ELOVL2: variants seen among roughly 807,000 people sequenced by gnomAD.
ELOVL2 encodes the protein very long chain fatty acid elongase 2.
In ELOVL2, 38 loss-of-function variants were observed where a neutral mutation model predicts 37.7. The observed-to-expected ratio is 1.01, with a 90% CI of 0.78 to 1.32. The LOEUF is 1.32. ELOVL2 is among the 40% of genes most tolerant of loss of function. The pLI is 0.00. For synonymous variants in ELOVL2, 115 were observed against 122.3 expected, an observed-to-expected ratio of 0.94 and a Z score of 0.40; for missense variants, 352 against 363.6, an observed-to-expected ratio of 0.97 and a Z score of 0.26.
chr6:11,013,223 T>C (rs997435579), intron 1 of ELOVL2, among the ~76,000 whole-genome samples: 3 of 152,214 alleles, frequency 2.0e-5, no homozygotes, highest in Non-Finnish European at 2.9e-5. Flanking sequence ...TCTCTCTTTA[T>C]TTCTGGGTTA....
At chr6:11,041,787 C>G (rs1783101472) in intron 1 of ELOVL2, among the ~76,000 whole-genome samples, 1 of 151,980 alleles carries the variant, frequency 6.6e-6, no homozygotes, top group Admixed American at 6.6e-5. Flanking sequence ...TTTCTCCAGA[C>G]TAATTTTTAA....
chr6:10,995,512 C>T (rs1295589247), intron 4 of ELOVL2, among the ~76,000 whole-genome samples: 1 of 152,194 alleles, frequency 6.6e-6, no homozygotes, highest in African/African-American at 2.4e-5. Context: ...TGCAAGCTCC[C>T]CACCACGGTG....
At chr6:11,011,093 G>T (rs540776611) in intron 1 of ELOVL2, among the ~76,000 whole-genome samples, 1 of 152,102 alleles carries the variant, frequency 6.6e-6, no homozygotes, top group Non-Finnish European at 1.5e-5. Context: ...GGCCAGGCGC[G>T]GTGTCTCACA....
intron 6 of ELOVL2, 114 bp downstream of exon 6, chr6:10,990,204 A>G (rs1782127627): frequency 3.7e-6 from 5 of 1,342,720 alleles, no homozygotes; most frequent in Non-Finnish European, 3.0e-6. Flanking sequence ...CCAATTTTGG[A>G]AAAAAAATGG....
chr6:11,011,185 A>G (rs1313569877), intron 1 of ELOVL2, among the ~76,000 whole-genome samples: 3 of 152,066 alleles, frequency 2.0e-5, no homozygotes, highest in East Asian at 3.9e-4. Flanking sequence ...TAACATGGTG[A>G]AACCCCATCT....
intron 1 of ELOVL2, among the ~76,000 whole-genome samples, chr6:11,022,669 C>T (rs539365758): frequency 6.6e-6 from 1 of 152,226 alleles, no homozygotes; most frequent in South Asian, 2.1e-4. Context: ...TCAGATATAA[C>T]TTTATCTTAT....
chr6:11,022,381 G>C (rs1782776950), intron 1 of ELOVL2, among the ~76,000 whole-genome samples: 1 of 152,172 alleles, frequency 6.6e-6, no homozygotes, highest in Non-Finnish European at 1.5e-5. Context: ...GGATATGGGG[G>C]TCTTACCCAG....
At chr6:11,037,455 T>A (rs1271026784) in intron 1 of ELOVL2, among the ~76,000 whole-genome samples, 1 of 151,488 alleles carries the variant, frequency 6.6e-6, no homozygotes, top group Non-Finnish European at 1.5e-5. Flanking sequence ...TAAAACCAAA[T>A]AGTAAATACC....
At chr6:10,985,329 G>T (rs562223496) in intron 7 of ELOVL2, among the ~76,000 whole-genome samples, 2 of 151,928 alleles carry the variant, frequency 1.3e-5, no homozygotes, top group East Asian at 3.9e-4. Flanking sequence ...CACTCTGATG[G>T]TCGTTTCTTT....
At chr6:11,027,187 A>G (rs1220676449) in intron 1 of ELOVL2, among the ~76,000 whole-genome samples, 1 of 152,218 alleles carries the variant, frequency 6.6e-6, no homozygotes, top group Admixed American at 6.5e-5. Context: ...AATAACTTTA[A>G]AAGTATAGTA....
At chr6:10,984,815 A>G (rs1782016602) in intron 7 of ELOVL2, among the ~76,000 whole-genome samples, 1 of 152,084 alleles carries the variant, frequency 6.6e-6, no homozygotes, top group Non-Finnish European at 1.5e-5. Context: ...GTGCTGCAGT[A>G]AACATACGTG....
intron 1 of ELOVL2, among the ~76,000 whole-genome samples, chr6:11,029,411 T>G (rs994975957): frequency 6.6e-6 from 1 of 152,108 alleles, no homozygotes; most frequent in Non-Finnish European, 1.5e-5. Context: ...AACTTCGCAG[T>G]GTGGTTGTGA....
chr6:11,006,716 G>A (rs1207298883), intron 2 of ELOVL2, among the ~76,000 whole-genome samples: 1 of 152,178 alleles, frequency 6.6e-6, no homozygotes, highest in African/African-American at 2.4e-5. Flanking sequence ...TCCCATTGGT[G>A]ATAGAGATAA....
chr6:10,991,355 C>G (rs966140346), intron 5 of ELOVL2, among the ~76,000 whole-genome samples: 11 of 152,172 alleles, frequency 7.2e-5, no homozygotes, highest in Admixed American at 7.2e-4. Context: ...GGCTGTTCTG[C>G]GAGCTATCCT....
chr6:10,993,612 G>A (rs138182323), intron 5 of ELOVL2, among the ~76,000 whole-genome samples: 46 of 152,282 alleles, frequency 3.0e-4, no homozygotes, highest in African/African-American at 1.1e-3. Flanking sequence ...CTCTAGACAT[G>A]GGTCATGGGG....
intron 1 of ELOVL2, among the ~76,000 whole-genome samples, chr6:11,039,412 T>G (rs1354022378): frequency 6.6e-6 from 1 of 152,200 alleles, no homozygotes. Flanking sequence ...TTGTGATTAT[T>G]AATCAGTTCC....
rs185876986 is a variant in ELOVL2, at chr6:10,996,704, G to A, written c.334-1526C>T. 2.4e-4 allele frequency among the ~76,000 whole-genome samples: 36 copies of A among 151,538 alleles called. 1 individual carries two copies. The highest frequency in any genetic ancestry group is 7.3e-4 in the African/African-American group (30 of 41,314). ...AAAAAAAAATCCATCTTGACTGGGC[G>A]TGGAGGCTCACGCCTGTAATCCCAG... On this transcript the variant is annotated intron_variant, in intron 4 of 7. Coordinates refer to ENST00000354666, the MANE Select transcript of ELOVL2 (RefSeq NM_017770.4).
intron 1 of ELOVL2, among the ~76,000 whole-genome samples, chr6:11,035,003 C>CTAAATAAA (rs547206935): frequency 4.6e-5 from 7 of 151,974 alleles, no homozygotes; most frequent in African/African-American, 1.2e-4. Context: ...ACTCTTGTCT[C>CTAAATAAA]TAAATAAATA....
At chr6:11,039,665 G>A (rs925607479) in intron 1 of ELOVL2, among the ~76,000 whole-genome samples, 4 of 152,042 alleles carry the variant, frequency 2.6e-5, no homozygotes, top group Non-Finnish European at 4.4e-5. Context: ...TACTAGAATC[G>A]ATTCCCTCTG....
Sources: gnomAD v4.1 joint callset for allele counts (sites outside exome capture counted in the v4.1 genomes callset) on GRCh38, gnomAD v4.1.1 for gene constraint, MANE v1.5 for transcripts, NCBI Gene and HGNC (gene_info 2026-07-23, HGNC 2026-07-21) for gene names.